Variants in TSPAN7 observed in about 807,000 individuals in gnomAD.
TSPAN7 encodes tetraspanin 7, also known as tetraspanin-7.
In TSPAN7, 1 loss-of-function variant was observed where a neutral mutation model predicts 17.6. The observed-to-expected ratio is 0.06, with a 90% confidence interval of 0.02 to 0.27. TSPAN7 has a LOEUF of 0.27. TSPAN7 is among the 10% of genes least tolerant of loss of function. The pLI, the probability that TSPAN7 is intolerant of heterozygous loss-of-function variation, is 1.00. For synonymous variants in TSPAN7, 78 were observed against 79.0 expected (o/e 0.99, Z 0.07); for missense variants, 112 against 201.7 (o/e 0.56, Z 2.69).
intron 1 of TSPAN7, among the ~76,000 whole-genome samples, chrX:38,663,152 TACACACACAC>T (rs56867751): frequency 1.4e-4 from 14 of 101,132 alleles, no homozygotes; most frequent in African/African-American, 1.1e-4. Flanking sequence ...ATGTGGTGTA[TACACACACAC>T]ACACACACAC....
Position 38,565,793 on chromosome X carries a change from T to C in TSPAN7, c.81+4166T>C, listed in dbSNP as rs1298244340. Among the ~76,000 whole-genome samples, 3 of 111,768 alleles carry C rather than the reference T, an allele frequency of 2.7e-5. No individual in the cohort carries two copies. The East Asian group carries it at 8.4e-4, about 31-fold the overall frequency. On this transcript the variant is annotated intron_variant, in intron 1 of 7. Coordinates refer to ENST00000378482, the MANE Select transcript of TSPAN7 (RefSeq NM_004615.4). ...CTTTCTCTCCTGTCTATAATCACAC[T>C]CTCTCTCTGAGGTGTTTCTCTAAAG...
chrX:38,674,801 G>A (rs909091671), intron 4 of TSPAN7, among the ~76,000 whole-genome samples: 7 of 110,769 alleles, frequency 6.3e-5, no homozygotes, highest in Non-Finnish European at 1.3e-4. Context: ...GATGCTTTGC[G>A]GAGGATATGG....
At chrX:38,604,156 A>G (rs1470745316) in intron 1 of TSPAN7, among the ~76,000 whole-genome samples, 2 of 102,959 alleles carry the variant, frequency 1.9e-5, no homozygotes, top group Non-Finnish European at 4.0e-5. Flanking sequence ...GTTTACTAAG[A>G]ATGATGATTT....
intron 1 of TSPAN7, among the ~76,000 whole-genome samples, chrX:38,581,261 C>T (rs2147400114): frequency 8.9e-6 from 1 of 112,393 alleles, no homozygotes; most frequent in South Asian, 3.7e-4. Context: ...GGTTCTCACA[C>T]TGCTAATAAA....
chrX:38,582,051 T>C (rs62589247), intron 1 of TSPAN7, among the ~76,000 whole-genome samples: 2,174 of 112,622 alleles, frequency 0.019, 25 homozygotes, highest in Non-Finnish European at 0.033. Flanking sequence ...TGGGATGATC[T>C]TGCCTCCTCT....
chrX:38,673,624 C>T (rs1353943129), intron 3 of TSPAN7, among the ~76,000 whole-genome samples: 2 of 110,644 alleles, frequency 1.8e-5, no homozygotes, highest in African/African-American at 6.6e-5. Flanking sequence ...CTGCCCATGT[C>T]GGCCTCCCAA....
chrX:38,575,165 T>C lies in TSPAN7; in HGVS notation c.81+13538T>C, dbSNP rs191195312. 7.2e-5 allele frequency among the ~76,000 whole-genome samples: 8 copies of C among 110,698 alleles called. No individual in the cohort carries two copies. The East Asian group carries it at 2.3e-3, about 32-fold the overall frequency. On this transcript the variant is annotated intron_variant, in intron 1 of 7. Coordinates refer to ENST00000378482, the MANE Select transcript of TSPAN7 (RefSeq NM_004615.4). ...CCAGCAAGCAACTGAATGCTGCCAATAGTCAAATGATCTGGGAGGCAGATT... is the reference window on the plus strand; with the variant it reads ...CCAGCAAGCAACTGAATGCTGCCAACAGTCAAATGATCTGGGAGGCAGATT...
rs185317503 is a variant in TSPAN7 at position 38,656,917 on chromosome X, G to T, written c.82-9204G>T. On this transcript the variant is annotated intron_variant, in intron 1 of 7. Coordinates refer to ENST00000378482, the MANE Select transcript of TSPAN7 (RefSeq NM_004615.4). The stretch of plus-strand genomic sequence containing the variant: ...AGAAAAAATAATGCCAAGAGGCTCA[G>T]AATAAGCTACCCTTAACATTCTTCT... 5.5e-3 allele frequency among the ~76,000 whole-genome samples: 620 copies of T among 112,215 alleles called. 2 individuals carry two copies. Among genetic ancestry groups the T allele is most frequent in the Non-Finnish European group, 9.5e-3 (507 of 53,244 alleles).
chrX:38,647,219 A>T (rs1438417251), intron 1 of TSPAN7, among the ~76,000 whole-genome samples: 1 of 112,387 alleles, frequency 8.9e-6, no homozygotes, highest in Non-Finnish European at 1.9e-5. Context: ...CCCCACTTGG[A>T]TTAAAGGGAT....
At chrX:38,659,431 C>T (rs1377778052) in intron 1 of TSPAN7, among the ~76,000 whole-genome samples, 3 of 111,550 alleles carry the variant, frequency 2.7e-5, no homozygotes, top group African/African-American at 9.8e-5. Flanking sequence ...TATATTTCAG[C>T]GTGACTGAGT....
At chrX:38,617,454 A>G (rs2069461847) in intron 1 of TSPAN7, among the ~76,000 whole-genome samples, 1 of 112,794 alleles carries the variant, frequency 8.9e-6, no homozygotes, top group Non-Finnish European at 1.9e-5. Context: ...AAAACCAGAC[A>G]ACGACAGAGT....
In TSPAN7 at chrX:38,562,833, T is replaced by C. The variant is rs544393141; in HGVS notation, c.81+1206T>C. On this transcript the variant is annotated intron_variant, in intron 1 of 7. Coordinates refer to ENST00000378482, the MANE Select transcript of TSPAN7 (RefSeq NM_004615.4). ...TCCCCCCTTGTCCCCCAAATCTGGG[T>C]CATTTTAGCTTCTACGGCAGTCATT... is the stretch of plus-strand genomic sequence containing the variant. 2.5e-5 allele frequency: 9 copies of C among 364,872 alleles called. No homozygotes were observed. The Admixed American group carries it at 4.7e-4, about 19-fold the overall frequency. The allele number at this position is 364,872 out of a possible 1,213,427, so 30.1% of individuals were successfully genotyped here.
rs764398138 is a variant in TSPAN7 at position 38,643,713 on chromosome X, C to T, written c.82-22408C>T. Among the ~76,000 whole-genome samples the T allele has an allele frequency of 5.7e-5, 6 of 105,224 alleles. No homozygotes were observed. The South Asian group carries it at 1.8e-3, about 31-fold the overall frequency. The allele number at this position is 105,224 out of a possible 115,157, so 91.4% of individuals were successfully genotyped here. ...AAAAAAAATTAGCCAGATGTGGTGG[C>T]GGGTGCCTGTAGTCCCAGCTACTCA... On this transcript the variant is annotated intron_variant, in intron 1 of 7. Transcript: ENST00000378482.
At chrX:38,669,909 C>A (rs2069809187) in intron 2 of TSPAN7, among the ~76,000 whole-genome samples, 1 of 111,745 alleles carries the variant, frequency 8.9e-6, no homozygotes, top group African/African-American at 3.3e-5. Flanking sequence ...CTTATCCCAT[C>A]AGCAAAATGG....
intron 1 of TSPAN7, among the ~76,000 whole-genome samples, chrX:38,651,620 C>T (rs756804494): frequency 8.9e-5 from 10 of 112,067 alleles, no homozygotes; most frequent in South Asian, 3.7e-4. Context: ...GGCTGAGCAG[C>T]GATGGGGCAG....
intron 1 of TSPAN7, among the ~76,000 whole-genome samples, chrX:38,597,746 T>C (rs2069325337): frequency 9.0e-6 from 1 of 111,632 alleles, no homozygotes; most frequent in Non-Finnish European, 1.9e-5. Flanking sequence ...GAGAATGAAC[T>C]ATATGTTTAA....
intron 1 of TSPAN7, among the ~76,000 whole-genome samples, chrX:38,604,431 C>G (rs1474548735): frequency 2.7e-5 from 3 of 109,608 alleles, no homozygotes; most frequent in Non-Finnish European, 3.8e-5. Context: ...AGTTCTAGAT[C>G]CCTGAGGAAT....
intron 1 of TSPAN7, among the ~76,000 whole-genome samples, chrX:38,599,248 G>A (rs756505045): frequency 9.0e-6 from 1 of 111,069 alleles, no homozygotes; most frequent in African/African-American, 3.3e-5. Context: ...CTTTTGGGTA[G>A]TGGGTTCATG....
chrX:38,590,913 C>A (rs907669608), intron 1 of TSPAN7, among the ~76,000 whole-genome samples: 1 of 111,141 alleles, frequency 9.0e-6, no homozygotes, highest in Admixed American at 9.5e-5. Flanking sequence ...TAATTCATGT[C>A]TTCCCTCTGC....
Sources: gnomAD v4.1 joint callset for allele counts (sites outside exome capture counted in the v4.1 genomes callset) on GRCh38, gnomAD v4.1.1 for gene constraint, MANE v1.5 for transcripts, NCBI Gene and HGNC (gene_info 2026-07-23, HGNC 2026-07-21) for gene names.